The following E2F7 variants were observed in gnomAD, a reference collection of about 807,000 sequenced individuals.
E2F7 encodes the protein transcription factor E2F7.
Under a neutral mutation model 81.1 loss-of-function variants are expected in E2F7, and 35 were observed. The ratio of observed to expected loss-of-function variants is 0.43; its 90% CI spans 0.33 to 0.57. The LOEUF is 0.57. Ranked by LOEUF, E2F7 falls within the 20% of genes least tolerant of loss-of-function variation. The pLI is 0.04. For synonymous variants in E2F7, 416 were observed against 416.2 expected, an observed-to-expected ratio of 1.00 and a Z score of 0.01; for missense variants, 961 against 1,093.7, an observed-to-expected ratio of 0.88 and a Z score of 1.71.
rs529149816 is a variant in E2F7 at position 77,034,223 on chromosome 12, A to G, written c.1124-181T>C. On this transcript the variant is annotated intron_variant, in intron 7 of 12. Transcript: ENST00000322886. Reference sequence around the variant, plus strand: ...CTCAAACCCCAATTTCTTTCAATGTACTTTTTTTTTTAAGTTAGTGGATGA... The same window carrying G: ...CTCAAACCCCAATTTCTTTCAATGTGCTTTTTTTTTTAAGTTAGTGGATGA... 1.2e-4 allele frequency among the ~76,000 whole-genome samples: 18 copies of G among 150,588 alleles called. No homozygotes were observed. The South Asian group carries it at 3.1e-3, about 26-fold the overall frequency.
At chr12:77,054,713 G>T (rs776610888) in intron 3 of E2F7, among the ~76,000 whole-genome samples, 1 of 152,102 alleles carries the variant, frequency 6.6e-6, no homozygotes, top group African/African-American at 2.4e-5. Context: ...GTTACCTTGC[G>T]AAAGAGGTCA....
chr12:77,025,891 A>G lies in E2F7; in HGVS notation c.2232T>C (p.Pro744=), dbSNP rs755148147. 3.7e-6 allele frequency: 6 copies of G among 1,614,174 alleles called. No homozygotes were observed. The highest frequency in any genetic ancestry group is 5.1e-6 in the Non-Finnish European group (6 of 1,180,026). Residue 744 remains proline, a synonymous_variant, in exon 12 of 13, where the codon CCT becomes CCC. Coordinates refer to ENST00000322886, the MANE Select transcript of E2F7 (RefSeq NM_203394.3). ...SSGQLPSFSV[P]CMVLPSPPLG... ...GAGGTGGAGATGGTAAGACCATGCAAGGGACACTGAAAGACGGCAGCTGAC... is the reference window on the plus strand; with the variant it reads ...GAGGTGGAGATGGTAAGACCATGCAGGGGACACTGAAAGACGGCAGCTGAC...
chr12:77,064,483 A>T lies in E2F7; in HGVS notation c.93+60T>A, dbSNP rs186500625. 4.9e-4 allele frequency: 678 copies of T among 1,372,078 alleles called. No individual in the cohort carries two copies. The African/African-American group carries it at 8.6e-3, about 17-fold the overall frequency. The allele number at this position is 1,372,078 out of a possible 1,614,324, so 85.0% of individuals were successfully genotyped here. On this transcript the variant is annotated intron_variant, in intron 2 of 12. Coordinates refer to ENST00000322886, the MANE Select transcript of E2F7 (RefSeq NM_203394.3). ...TACAAATGGCATGTTGGAACACTTAATTGAATTCAACATCACCATCCTTAA... is the reference window on the plus strand; with the variant it reads ...TACAAATGGCATGTTGGAACACTTATTTGAATTCAACATCACCATCCTTAA...
At chr12:77,031,239 A>T (rs1954804982) in intron 9 of E2F7, among the ~76,000 whole-genome samples, 1 of 152,212 alleles carries the variant, frequency 6.6e-6, no homozygotes. Context: ...AATAAATAAG[A>T]TATAAACAAT....
Position 77,022,529 on chromosome 12 carries a change from C to A in E2F7, c.*1486G>T, listed in dbSNP as rs1184264038. 1 of 152,280 alleles carries A rather than the reference C, an allele frequency of 6.6e-6. No homozygotes were observed. The highest frequency in any genetic ancestry group is 2.4e-5 in the African/African-American group (1 of 41,370). The allele number at this position is 152,280 out of a possible 1,614,324, so 9.4% of individuals were successfully genotyped here. ...AGTCTCTTAAATTAATATTTTCATT[C>A]TTTCATATAACATTTTATTGGGTCA... On this transcript the variant is annotated 3_prime_UTR_variant, in exon 13 of 13. Transcript: ENST00000322886.
Position 77,026,298 on chromosome 12 carries a change from C to G in E2F7, c.2141-316G>C, listed in dbSNP as rs1400573593. On this transcript the variant is annotated intron_variant, in intron 11 of 12. Transcript: ENST00000322886. Reference sequence around the variant, plus strand: ...TTACATCTTTATTTTTATTTATTTACTTATTTTTTGTTGTTTTGTTTTGAG... The same window carrying G: ...TTACATCTTTATTTTTATTTATTTAGTTATTTTTTGTTGTTTTGTTTTGAG... Among the ~76,000 whole-genome samples the G allele has an allele frequency of 2.6e-5, 4 of 151,972 alleles. No homozygotes were observed. The East Asian group carries it at 7.7e-4, about 29-fold the overall frequency.
intron 2 of E2F7, among the ~76,000 whole-genome samples, chr12:77,061,307 C>T (rs1261039631): frequency 6.6e-6 from 1 of 152,172 alleles, no homozygotes; most frequent in Non-Finnish European, 1.5e-5. Context: ...ACTGAACTCA[C>T]CTTCATTCTC....
rs1275199568 is a variant in E2F7, at chr12:77,023,937, G to C, written c.*78C>G. On this transcript the variant is annotated 3_prime_UTR_variant, in exon 13 of 13. Coordinates refer to ENST00000322886, the MANE Select transcript of E2F7 (RefSeq NM_203394.3). The stretch of plus-strand genomic sequence containing the variant: ...GAGAGGAAGGACCCGTGCTCAGGAC[G>C]GGATGGTTTGCATCCCGCCTCGGAC... 6.5e-7 allele frequency: 1 copy of C among 1,534,218 alleles called. No individual in the cohort carries two copies. The highest frequency in any genetic ancestry group is 2.4e-4 in the Middle Eastern group (1 of 4,126).
intron 3 of E2F7, among the ~76,000 whole-genome samples, chr12:77,052,550 C>T (rs899039103): frequency 6.6e-6 from 1 of 151,906 alleles, no homozygotes; most frequent in African/African-American, 2.4e-5. Context: ...AAAAGCAATT[C>T]CAAATGGATC....
chr12:77,054,170 C>G (rs1339493441), intron 3 of E2F7, among the ~76,000 whole-genome samples: 2 of 151,768 alleles, frequency 1.3e-5, no homozygotes, highest in Non-Finnish European at 2.9e-5. Context: ...ACCAAACACT[C>G]GCAAAATGCA....
Position 77,046,076 on chromosome 12 carries a change from T to C in E2F7, c.791A>G (p.Gln264Arg). The change falls in exon 5 of 13, where the codon CAA (glutamine) becomes CGA (arginine). Residue 264 changes from glutamine (Q) to arginine (R), a missense_variant. Transcript: ENST00000322886. ...GGGTTCAGAGAAATCCAGTAACTGT[T>C]GTTCCTGGGAATCTGGATCACCATC... is the stretch of plus-strand genomic sequence containing the variant. ...KKDGDPDSQE[Q>R]QLLDFSEPDC... 6.2e-7 allele frequency: 1 copy of C among 1,614,188 alleles called. No homozygotes were observed. Among genetic ancestry groups the C allele is most frequent in the Non-Finnish European group, 8.5e-7 (1 of 1,180,012 alleles).
chr12:77,062,899 A>C (rs80192519), intron 2 of E2F7, among the ~76,000 whole-genome samples: 18 of 151,782 alleles, frequency 1.2e-4, no homozygotes, highest in South Asian at 2.1e-4. Flanking sequence ...AAAAAAAAAA[A>C]AAAAGGCCAC....
At chr12:77,054,851 A>G (rs1286328575) in intron 3 of E2F7, among the ~76,000 whole-genome samples, 1 of 152,150 alleles carries the variant, frequency 6.6e-6, no homozygotes, top group Non-Finnish European at 1.5e-5. Context: ...TAGAACCCCA[A>G]TAAAACCAGG....
At position 77,025,613 on chromosome 12, in the gene E2F7, T is replaced by C; in HGVS notation, c.2510A>G (p.Gln837Arg). The change falls in exon 12 of 13, where the codon CAA becomes CGA. Residue 837 changes from glutamine to arginine, a missense_variant. Coordinates refer to ENST00000322886, the MANE Select transcript of E2F7 (RefSeq NM_203394.3). Reference sequence around the variant, plus strand: ...TCCCACGTAAACGGGGGACTCAGGTTGTTGGACGACACTGTGTGACCTTGA... The same window carrying C: ...TCCCACGTAAACGGGGGACTCAGGTCGTTGGACGACACTGTGTGACCTTGA... The part of the protein sequence containing the change: ...VMSRSHSVVQ[Q>R]PESPVYVGHP... 6.2e-7 allele frequency: 1 copy of C among 1,614,184 alleles called. No individual in the cohort carries two copies. The highest frequency in any genetic ancestry group is 8.5e-7 in the Non-Finnish European group (1 of 1,180,044).
At chr12:77,056,565 C>T (rs1350890157) in intron 2 of E2F7, among the ~76,000 whole-genome samples, 1 of 152,178 alleles carries the variant, frequency 6.6e-6, no homozygotes, top group Non-Finnish European at 1.5e-5. Context: ...CACTTAGTAG[C>T]AGGACCAGTT....
Position 77,023,754 on chromosome 12 carries a change from A to C in E2F7, c.*261T>G. ...GCCTATTCAGATCTACTTCCAGAAT[A>C]AGACGATTCTTGAATCAAAACCATA... On this transcript the variant is annotated 3_prime_UTR_variant, in exon 13 of 13. Coordinates refer to ENST00000322886, the MANE Select transcript of E2F7 (RefSeq NM_203394.3). The C allele has an allele frequency of 2.5e-6, 1 of 406,476 alleles. No homozygotes were observed. The highest frequency in any genetic ancestry group is 4.6e-5 in the South Asian group (1 of 21,892). 25.2% of individuals were successfully genotyped at this position (406,476 alleles called of 1,614,324 possible).
At chr12:77,058,342 G>A (rs1055903790) in intron 2 of E2F7, among the ~76,000 whole-genome samples, 1 of 152,196 alleles carries the variant, frequency 6.6e-6, no homozygotes, top group African/African-American at 2.4e-5. Context: ...GAGGCACAGA[G>A]AAGTCAAATA....
chr12:77,033,110 T>A lies in E2F7; in HGVS notation c.1322A>T (p.Tyr441Phe). 6.2e-7 allele frequency: 1 copy of A among 1,613,782 alleles called. No individual in the cohort carries two copies. Among genetic ancestry groups the A allele is most frequent in the East Asian group, 2.2e-5 (1 of 44,866 alleles). ...TGCCAGGCTTCCAATTTCTAAAGAG[T>A]AGCCACCTGATCCTGAAAAGGAAGA... ...PYREEQGSGG[Y>F]SLEIGSLAAV... The change falls in exon 9 of 13, where the codon TAC becomes TTC. Residue 441 changes from tyrosine (Y) to phenylalanine (F), a missense_variant. By Grantham distance (22) the Tyr-to-Phe change is conservative. Around this residue, in one of 3 missense-constraint regions of E2F7, gnomAD observed 587 missense variants for 620.3 expected, o/e 0.95. Coordinates refer to ENST00000322886, the MANE Select transcript of E2F7 (RefSeq NM_203394.3).
intron 7 of E2F7, among the ~76,000 whole-genome samples, chr12:77,035,915 T>G (rs200956318): frequency 1.6e-5 from 2 of 124,172 alleles, no homozygotes; most frequent in East Asian, 2.1e-4. Flanking sequence ...AAAAATACAG[T>G]GGGGGGATGA....
Sources: gnomAD v4.1 joint callset for allele counts (sites outside exome capture counted in the v4.1 genomes callset) on GRCh38, gnomAD v4.1.1 for gene constraint, gnomAD v4.1.1 regional missense constraint, MANE v1.5 for transcripts, NCBI Gene and HGNC (gene_info 2026-07-23, HGNC 2026-07-21) for gene names.